Variants in SSH2 observed in about 807,000 individuals in gnomAD.
SSH2 encodes protein phosphatase Slingshot homolog 2.
In SSH2, 37 loss-of-function variants were observed where a neutral mutation model predicts 135.2. That is an observed-to-expected ratio of 0.27 (90% CI 0.21 to 0.36). The LOEUF (loss-of-function observed/expected upper bound fraction) is 0.36. Among genes scored for constraint, SSH2 ranks in the 10% least tolerant of loss-of-function variants. The pLI is 1.00. For missense variants in SSH2, 1,408 were observed against 1,765.3 expected (o/e 0.80, Z 3.63); for synonymous variants, 628 against 646.2 (o/e 0.97, Z 0.43).
rs2065490772 is a variant in SSH2, at chr17:29,848,706, AT to A, written c.144+142del. 4 of 534,910 alleles carry A rather than the reference AT, an allele frequency of 7.5e-6. No homozygotes were observed. The South Asian group carries it at 1.0e-4, about 14-fold the overall frequency. The allele number at this position is 534,910 out of a possible 1,614,324, so 33.1% of individuals were successfully genotyped here. On this transcript the variant is annotated intron_variant, in intron 2 of 15. Transcript: ENST00000540801. ...TATATACACTCATTCTAAGCCACCTATTTGCCTTCCCAGACATTTGGCTGAA... is the reference window on the plus strand; with the variant it reads ...TATATACACTCATTCTAAGCCACCTATTGCCTTCCCAGACATTTGGCTGAA...
intron 3 of SSH2, among the ~76,000 whole-genome samples, chr17:29,723,722 G>T (rs1264714311): frequency 6.6e-6 from 1 of 150,808 alleles, no homozygotes; most frequent in Non-Finnish European, 1.5e-5. Flanking sequence ...GGGGTGGGGG[G>T]TAGGGCAGCT....
intron 3 of SSH2, among the ~76,000 whole-genome samples, chr17:29,779,895 CTACTTTTGTTTAAAAACAACAA>C (rs928860973): frequency 1.4e-5 from 2 of 141,156 alleles, no homozygotes; most frequent in Non-Finnish European, 3.1e-5. Context: ...ATGGAAAGCT[CTACTTTTGTTTAAAAACAACAA>C]CAACAAAACA....
At chr17:29,897,933 A>G (rs542922273) in intron 1 of SSH2, among the ~76,000 whole-genome samples, 1 of 152,212 alleles carries the variant, frequency 6.6e-6, no homozygotes, top group Non-Finnish European at 1.5e-5. Flanking sequence ...ACTATCTCTC[A>G]GACCACAGTG....
intron 3 of SSH2, among the ~76,000 whole-genome samples, chr17:29,785,491 A>ATT (rs34346245): frequency 9.2e-3 from 718 of 78,402 alleles, no homozygotes; most frequent in East Asian, 0.014. Flanking sequence ...TTGGCGTTTC[A>ATT]TTTTTTTTTT....
chr17:29,679,410 T>A (rs551245127), intron 6 of SSH2, among the ~76,000 whole-genome samples: 19 of 151,968 alleles, frequency 1.3e-4, no homozygotes, highest in South Asian at 1.2e-3. Flanking sequence ...TATTTTTATT[T>A]TTTTTTTTAT....
At chr17:29,745,236 T>A (rs1168091676) in intron 3 of SSH2, among the ~76,000 whole-genome samples, 1 of 151,854 alleles carries the variant, frequency 6.6e-6, no homozygotes, top group Non-Finnish European at 1.5e-5. Flanking sequence ...CTCAGCTCAC[T>A]GCAACCTCTG....
At chr17:29,832,639 G>T (rs1299372377) in intron 2 of SSH2, among the ~76,000 whole-genome samples, 1 of 152,046 alleles carries the variant, frequency 6.6e-6, no homozygotes, top group African/African-American at 2.4e-5. Flanking sequence ...GGTCAGAGAA[G>T]ATACTTGATT....
intron 1 of SSH2, among the ~76,000 whole-genome samples, chr17:29,912,085 A>C (rs2066775620): frequency 6.6e-6 from 1 of 152,218 alleles, no homozygotes; most frequent in South Asian, 2.1e-4. Flanking sequence ...GGGAATGAGC[A>C]GTTGGTTTCT....
chr17:29,829,265 T>C (rs2042797405), intron 2 of SSH2, among the ~76,000 whole-genome samples: 1 of 152,226 alleles, frequency 6.6e-6, no homozygotes, highest in Non-Finnish European at 1.5e-5. Context: ...AGGTATACTA[T>C]TTATCATTTC....
At chr17:29,713,442 T>C (rs886128943) in intron 3 of SSH2, among the ~76,000 whole-genome samples, 6 of 152,216 alleles carry the variant, frequency 3.9e-5, no homozygotes, top group African/African-American at 1.4e-4. Flanking sequence ...ATGCTTGTTC[T>C]GTTTCTCTTT....
At chr17:29,727,666 T>A (rs1313829295) in intron 3 of SSH2, among the ~76,000 whole-genome samples, 2 of 152,188 alleles carry the variant, frequency 1.3e-5, no homozygotes, top group Non-Finnish European at 2.9e-5. Context: ...TTACCTCTCT[T>A]CTATAAATGC....
chr17:29,882,571 G>C (rs2066158304), intron 1 of SSH2, among the ~76,000 whole-genome samples: 1 of 57,796 alleles, frequency 1.7e-5, no homozygotes, highest in African/African-American at 3.6e-5. Context: ...GGCCAAAATG[G>C]TGAAACCTCG....
chr17:29,926,318 G>T (rs1395736639), intron 1 of SSH2, among the ~76,000 whole-genome samples: 3 of 151,390 alleles, frequency 2.0e-5, no homozygotes, highest in African/African-American at 7.3e-5. Flanking sequence ...GTGGGCAGAC[G>T]GCTTGAGCCC....
chr17:29,823,835 T>C (rs1286665931), intron 2 of SSH2, among the ~76,000 whole-genome samples: 1 of 138,506 alleles, frequency 7.2e-6, no homozygotes, highest in Non-Finnish European at 1.5e-5. Flanking sequence ...ACCGAGATCA[T>C]GCCATTGCAC....
In SSH2 at chr17:29,628,696, C is replaced by A. The variant is rs1392164040; in HGVS notation, c.*2145G>T. 1.3e-5 allele frequency: 2 copies of A among 152,200 alleles called. No homozygotes were observed. Among genetic ancestry groups the A allele is most frequent in the Admixed American group, 6.5e-5 (1 of 15,280 alleles). 9.4% of individuals were successfully genotyped at this position (152,200 alleles called of 1,614,324 possible). Reference sequence around the variant, plus strand: ...AAAACACTTTACAACACACAAATATCCAGGAATCACAAAACTGAGTGGATG... The same window carrying A: ...AAAACACTTTACAACACACAAATATACAGGAATCACAAAACTGAGTGGATG... On this transcript the variant is annotated 3_prime_UTR_variant, in exon 16 of 16. Transcript: ENST00000540801.
intron 3 of SSH2, among the ~76,000 whole-genome samples, chr17:29,764,150 C>T (rs2041390877): frequency 1.3e-5 from 2 of 152,068 alleles, no homozygotes; most frequent in Non-Finnish European, 2.9e-5. Context: ...AGGGTTTCAC[C>T]ATGTTGGCCA....
chr17:29,755,242 T>G (rs1297217147), intron 3 of SSH2, among the ~76,000 whole-genome samples: 1 of 152,228 alleles, frequency 6.6e-6, no homozygotes, highest in Non-Finnish European at 1.5e-5. Context: ...ATCAGTCTAA[T>G]CCAAGACTCC....
intron 11 of SSH2, among the ~76,000 whole-genome samples, chr17:29,666,207 C>T (rs1453334276): frequency 6.6e-6 from 1 of 151,872 alleles, no homozygotes; most frequent in African/African-American, 2.4e-5. Context: ...ACCCCATCTC[C>T]ACAAAAAATA....
chr17:29,798,843 GT>G (rs1255305380), intron 2 of SSH2, among the ~76,000 whole-genome samples: 2 of 152,110 alleles, frequency 1.3e-5, no homozygotes, highest in African/African-American at 4.8e-5. Context: ...TTTGTCGCCT[GT>G]ATTTGTATTC....
Sources: allele counts gnomAD v4.1 joint callset (sites outside exome capture counted in the v4.1 genomes callset), GRCh38; gene constraint gnomAD v4.1.1; transcripts MANE v1.5; gene names NCBI Gene and HGNC (gene_info 2026-07-23, HGNC 2026-07-21).